The following DNAH11 variants were observed in gnomAD, a reference collection of about 807,000 sequenced individuals.
The protein encoded by DNAH11 is axonemal beta dynein heavy chain 11.
Under a neutral mutation model 526.0 loss-of-function variants are expected in DNAH11, and 442 were observed. The observed-to-expected ratio is 0.84, with a 90% CI of 0.78 to 0.91. DNAH11 has a LOEUF of 0.91. Among genes scored for constraint, DNAH11 ranks in the 40% least tolerant of loss-of-function variants. The pLI, the probability that DNAH11 is intolerant of heterozygous loss-of-function variation, is 0.00. For missense variants in DNAH11, 6,989 were observed against 5,448.7 expected (o/e 1.28, Z -8.90); for synonymous variants, 2,461 against 1,935.9 (o/e 1.27, Z -7.12).
intron 51 of DNAH11, among the ~76,000 whole-genome samples, chr7:21,747,159 C>T (rs939940544): frequency 2.0e-5 from 3 of 152,116 alleles, no homozygotes; most frequent in Non-Finnish European, 4.4e-5. Flanking sequence ...AATGAAAACC[C>T]TGTTTTATAG....
At chr7:21,767,454 G>A (rs1043573420) in intron 55 of DNAH11, among the ~76,000 whole-genome samples, 7 of 152,142 alleles carry the variant, frequency 4.6e-5, no homozygotes, top group East Asian at 3.9e-4. Context: ...GCCGTTGACC[G>A]TTGACATCTG....
intron 65 of DNAH11, among the ~76,000 whole-genome samples, chr7:21,818,906 G>C (rs866795090): frequency 1.3e-5 from 2 of 152,078 alleles, no homozygotes; most frequent in African/African-American, 4.8e-5. Flanking sequence ...CCCTCCAGGA[G>C]CTATATGTGA....
In DNAH11 at chr7:21,683,897, A is replaced by G; in HGVS notation, c.5574A>G (p.Glu1858=). Residue 1858 remains glutamate (E), a synonymous_variant, in exon 32 of 82, where the codon GAA becomes GAG. Transcript: ENST00000409508. Reference sequence around the variant, plus strand: ...ATGCCCAGTTCCAGTACTTCTATGAATACTTAGGAAACAGCCCTCGACTAG... The same window carrying G: ...ATGCCCAGTTCCAGTACTTCTATGAGTACTTAGGAAACAGCCCTCGACTAG... ...ICDAQFQYFY[E]YLGNSPRLVI... 4 of 1,613,820 alleles carry G rather than the reference A, an allele frequency of 2.5e-6. No homozygotes were observed. The highest frequency in any genetic ancestry group is 3.4e-6 in the Non-Finnish European group (4 of 1,179,770).
At chr7:21,875,950 C>G (rs1188144317) in intron 74 of DNAH11, among the ~76,000 whole-genome samples, 1 of 128,450 alleles carries the variant, frequency 7.8e-6, no homozygotes, top group Non-Finnish European at 1.5e-5. Context: ...GTGGTACGAT[C>G]TCGGCTCACT....
rs752070111 is a variant in DNAH11 at position 21,589,247 on chromosome 7, G to A, written c.2013G>A (p.Lys671=). The change falls in exon 12 of 82, where the codon AAG becomes AAA. Residue 671 remains lysine, a synonymous_variant. Transcript: ENST00000409508. ...GNPDHALVYQ[K]YVEMTTLLDQ... ...CTGATCACGCTTTAGTTTATCAAAAGTATGTTGAAATGACCACTTTGCTTG... is the reference window on the plus strand; with the variant it reads ...CTGATCACGCTTTAGTTTATCAAAAATATGTTGAAATGACCACTTTGCTTG... The A allele has an allele frequency of 3.7e-6, 6 of 1,609,748 alleles. No homozygotes were observed. The East Asian group carries it at 9.0e-5, about 24-fold the overall frequency.
At chr7:21,707,134 A>G (rs577091274) in intron 39 of DNAH11, among the ~76,000 whole-genome samples, 5 of 152,298 alleles carry the variant, frequency 3.3e-5, no homozygotes, top group African/African-American at 9.6e-5. Flanking sequence ...AAGTCAAGAC[A>G]GTCTTTTCTT....
chr7:21,763,483 TA>T (rs1486743145), intron 54 of DNAH11, among the ~76,000 whole-genome samples: 2 of 151,760 alleles, frequency 1.3e-5, no homozygotes, highest in Non-Finnish European at 2.9e-5. Context: ...AGTCATTATT[TA>T]AAAAAGCAAA....
intron 6 of DNAH11, among the ~76,000 whole-genome samples, chr7:21,564,898 TAA>T (rs201951934): frequency 5.7e-4 from 84 of 147,724 alleles, no homozygotes; most frequent in Middle Eastern, 3.4e-3. Flanking sequence ...TGCAAAATGT[TAA>T]AAAAAAAAAA....
Position 21,637,661 on chromosome 7 carries a change from C to A in DNAH11, c.4776C>A (p.Cys1592Ter). The change falls in exon 27 of 82, where the codon TGC (cysteine) becomes TGA (stop). Residue 1592 changes from cysteine to a stop codon, truncating the protein, a stop_gained. Transcript: ENST00000409508. LOFTEE classifies it high-confidence loss of function. ...AKVENVLEAT[C>*]RPNLYEKLKD... Reference sequence around the variant, plus strand: ...TAGAAAATGTGTTAGAAGCAACGTGCAGACCTAATCTCTATGAAAAACTTA... The same window carrying A: ...TAGAAAATGTGTTAGAAGCAACGTGAAGACCTAATCTCTATGAAAAACTTA... 2 of 1,583,466 alleles carry A rather than the reference C, an allele frequency of 1.3e-6. No individual in the cohort carries two copies. Among genetic ancestry groups the A allele is most frequent in the Non-Finnish European group, 1.7e-6 (2 of 1,164,390 alleles).
intron 54 of DNAH11, among the ~76,000 whole-genome samples, chr7:21,754,617 C>G (rs1459719947): frequency 6.6e-6 from 1 of 152,106 alleles, no homozygotes; most frequent in East Asian, 1.9e-4. Flanking sequence ...TGTCTCTTCC[C>G]TACTAAAATG....
At chr7:21,868,781 A>C in intron 72 of DNAH11, 83 bp from the exon 73 acceptor site, 1 of 1,549,170 alleles carries the variant, frequency 6.5e-7, no homozygotes, top group East Asian at 2.2e-5. Flanking sequence ...GTGACCACAG[A>C]TGTGCATTAG....
At chr7:21,768,527 G>A (rs1787282558) in intron 55 of DNAH11, among the ~76,000 whole-genome samples, 1 of 152,026 alleles carries the variant, frequency 6.6e-6, no homozygotes, top group South Asian at 2.1e-4. Flanking sequence ...GGTGAAAGAG[G>A]TCATCTTTGG....
At chr7:21,761,575 A>C (rs964804633) in intron 54 of DNAH11, among the ~76,000 whole-genome samples, 3 of 152,160 alleles carry the variant, frequency 2.0e-5, no homozygotes, top group African/African-American at 7.2e-5. Flanking sequence ...GTGTTTGCTT[A>C]AAGCACGCAT....
chr7:21,701,477 G>A (rs967734491), intron 36 of DNAH11, among the ~76,000 whole-genome samples: 2 of 151,912 alleles, frequency 1.3e-5, no homozygotes, highest in African/African-American at 2.4e-5. Context: ...TTTTGCAGGA[G>A]TGGGGTTTCC....
At chr7:21,660,137 A>G (rs1031352454) in intron 30 of DNAH11, among the ~76,000 whole-genome samples, 1 of 152,080 alleles carries the variant, frequency 6.6e-6, no homozygotes, top group African/African-American at 2.4e-5. Flanking sequence ...TGGATGCTGA[A>G]GCTGAGTAGT....
chr7:21,735,353 G>C (rs1045982063), intron 45 of DNAH11, among the ~76,000 whole-genome samples: 3 of 152,158 alleles, frequency 2.0e-5, no homozygotes, highest in Non-Finnish European at 4.4e-5. Context: ...TAGGAGCCTT[G>C]GGGGCTAGTA....
chr7:21,820,499 CAG>C (rs1790007552), intron 65 of DNAH11, among the ~76,000 whole-genome samples: 1 of 152,150 alleles, frequency 6.6e-6, no homozygotes, highest in African/African-American at 2.4e-5. Flanking sequence ...GAATCCTGGA[CAG>C]AGAGCCCTAA....
At chr7:21,726,217 G>C (rs912764000) in intron 45 of DNAH11, among the ~76,000 whole-genome samples, 1 of 152,058 alleles carries the variant, frequency 6.6e-6, no homozygotes, top group African/African-American at 2.4e-5. Flanking sequence ...GAGAGTGAGG[G>C]GGGAGGTGCT....
intron 6 of DNAH11, among the ~76,000 whole-genome samples, chr7:21,564,918 AAAAG>A (rs1783601397): frequency 6.6e-6 from 1 of 152,194 alleles, no homozygotes; most frequent in South Asian, 2.1e-4. Context: ...AAAATTTAAA[AAAAG>A]GACCACCTTC....
Sources: allele counts gnomAD v4.1 joint callset (sites outside exome capture counted in the v4.1 genomes callset), GRCh38; gene constraint gnomAD v4.1.1; transcripts MANE v1.5; gene names NCBI Gene and HGNC (gene_info 2026-07-23, HGNC 2026-07-21).